Variants in PPFIA1 observed in about 807,000 individuals in gnomAD.
PPFIA1 encodes liprin-alpha-1.
Under a neutral mutation model 149.9 loss-of-function variants are expected in PPFIA1, and 25 were observed. The observed-to-expected ratio is 0.17, with a 90% CI of 0.12 to 0.23. PPFIA1 has a LOEUF of 0.23. PPFIA1 is among the 10% of genes least tolerant of loss of function. The pLI is 1.00. For synonymous variants in PPFIA1, 549 were observed against 552.8 expected (o/e 0.99, Z 0.10); for missense variants, 1,362 against 1,506.5 (o/e 0.90, Z 1.59).
intron 2 of PPFIA1, among the ~76,000 whole-genome samples, chr11:70,290,415 C>A (rs1240333018): frequency 1.3e-5 from 2 of 152,164 alleles, no homozygotes; most frequent in African/African-American, 4.8e-5. Context: ...TATCCTGGAG[C>A]AATTAGTGAC....
chr11:70,316,704 C>T (rs1419603482), intron 2 of PPFIA1, among the ~76,000 whole-genome samples: 1 of 152,170 alleles, frequency 6.6e-6, no homozygotes, highest in East Asian at 1.9e-4. Flanking sequence ...GACCATGAGG[C>T]TCTGCTGCCC....
In PPFIA1 at chr11:70,326,498, T is replaced by G. The variant is rs925191996; in HGVS notation, c.709-99T>G. 23 of 1,282,336 alleles carry G rather than the reference T, an allele frequency of 1.8e-5. 1 individual carries two copies. Among genetic ancestry groups the G allele is most frequent in the Non-Finnish European group, 2.3e-5 (21 of 905,140 alleles). 79.4% of individuals were successfully genotyped at this position (1,282,336 alleles called of 1,614,324 possible). A position where few individuals can be genotyped will look rare whatever the true frequency, so the allele number is the denominator to read the frequency against. On this transcript the variant is annotated intron_variant, in intron 6 of 27. Transcript: ENST00000253925. The stretch of plus-strand genomic sequence containing the variant: ...ATGAAAGTTGTGTAATCCAACAGAT[T>G]GCATAAGTCAGTTTTGATTTTAGCT...
At chr11:70,370,863 C>T (rs1337646537) in intron 21 of PPFIA1, among the ~76,000 whole-genome samples, 5 of 152,134 alleles carry the variant, frequency 3.3e-5, no homozygotes, top group African/African-American at 1.2e-4. Context: ...GCAGCAGTGG[C>T]TCACGCCTGT....
At chr11:70,304,793 C>A (rs1238658946) in intron 2 of PPFIA1, among the ~76,000 whole-genome samples, 1 of 152,114 alleles carries the variant, frequency 6.6e-6, no homozygotes, top group Non-Finnish European at 1.5e-5. Flanking sequence ...TGCTTTACAC[C>A]CCCGACATCT....
intron 13 of PPFIA1, 123 bp from the exon 14 acceptor site, chr11:70,339,048 C>A: frequency 1.7e-6 from 2 of 1,163,734 alleles, no homozygotes; most frequent in Non-Finnish European, 2.4e-6. Context: ...GAGAGCAGTG[C>A]CCTCCCTGGA....
chr11:70,334,750 A>T (rs975522359), intron 10 of PPFIA1: 2 of 152,254 alleles, frequency 1.3e-5, no homozygotes, highest in Non-Finnish European at 2.9e-5. Flanking sequence ...GCGCGGTCTC[A>T]TGGCTGTCTC....
At chr11:70,315,619 A>G (rs2053560914) in intron 2 of PPFIA1, among the ~76,000 whole-genome samples, 1 of 146,818 alleles carries the variant, frequency 6.8e-6, no homozygotes, top group Non-Finnish European at 1.5e-5. Context: ...TCCATTTATT[A>G]GACGTCTTTT....
intron 16 of PPFIA1, among the ~76,000 whole-genome samples, chr11:70,353,833 A>G (rs2056207508): frequency 6.6e-6 from 1 of 152,198 alleles, no homozygotes; most frequent in South Asian, 2.1e-4. Flanking sequence ...AATTTTGCCC[A>G]AGTGGTTTCT....
chr11:70,319,994 A>C (rs1039424881), intron 2 of PPFIA1: 1 of 152,184 alleles, frequency 6.6e-6, no homozygotes, highest in African/African-American at 2.4e-5. Flanking sequence ...CACCCAGAGC[A>C]CGTACTGCTC....
At chr11:70,354,273 CT>C (rs1432877947) in intron 16 of PPFIA1, 27 bp from the exon 17 acceptor site, 2 of 1,590,278 alleles carry the variant, frequency 1.3e-6, no homozygotes, top group African/African-American at 1.4e-5. Flanking sequence ...CTGCTGTTAA[CT>C]AACTTTGCAC....
intron 27 of PPFIA1, 48 bp from the exon 28 acceptor site, chr11:70,382,955 A>G (rs750115917): frequency 1.4e-5 from 5 of 366,022 alleles, no homozygotes; most frequent in Non-Finnish European, 2.0e-5. Context: ...GTTCGTCAGT[A>G]TGGCCCGGCC....
Position 70,383,218 on chromosome 11 carries a change from C to T in PPFIA1, c.*228C>T. 2 of 305,272 alleles carry T rather than the reference C, an allele frequency of 6.6e-6. No homozygotes were observed. Among genetic ancestry groups the T allele is most frequent in the South Asian group, 5.5e-5 (2 of 36,082 alleles). The allele number at this position is 305,272 out of a possible 1,614,324, so 18.9% of individuals were successfully genotyped here. On this transcript the variant is annotated 3_prime_UTR_variant, in exon 28 of 28. Transcript: ENST00000253925. ...CTTATATTTATGTAAACTTATGACT[C>T]TTCATTTATATAGTTACTTACTTTT...
intron 19 of PPFIA1, among the ~76,000 whole-genome samples, chr11:70,361,395 G>A (rs529707165): frequency 6.6e-6 from 1 of 152,132 alleles, no homozygotes; most frequent in Non-Finnish European, 1.5e-5. Context: ...CCAACGGAAT[G>A]TAAGTGCTAT....
intron 2 of PPFIA1, among the ~76,000 whole-genome samples, chr11:70,313,296 A>G (rs1447243444): frequency 6.6e-6 from 1 of 152,202 alleles, no homozygotes; most frequent in East Asian, 1.9e-4. Context: ...ATAATGCAAC[A>G]GAAGTGTGTG....
chr11:70,337,339 C>G (rs752491903), intron 11 of PPFIA1, 26 bp from the exon 12 acceptor site: 3 of 1,515,122 alleles, frequency 2.0e-6, no homozygotes, highest in Non-Finnish European at 2.7e-6. Flanking sequence ...TAAAGAAACA[C>G]TAAAGGACTA....
At chr11:70,295,787 C>G (rs1288821674) in intron 2 of PPFIA1, among the ~76,000 whole-genome samples, 3 of 151,990 alleles carry the variant, frequency 2.0e-5, no homozygotes, top group Admixed American at 2.0e-4. Flanking sequence ...GCGGGCTGAC[C>G]CCCACCTCCC....
At position 70,372,400 on chromosome 11, in the gene PPFIA1, T is replaced by C. The variant is rs1374150274; in HGVS notation, c.3041+10T>C. On this transcript the variant is annotated intron_variant, in intron 22 of 27. Transcript: ENST00000253925. ...TCGACAGTTTTCACAGGTAACTTAATGGAGATAGTTCTTAATAATTGGCTA... is the reference window on the plus strand; with the variant it reads ...TCGACAGTTTTCACAGGTAACTTAACGGAGATAGTTCTTAATAATTGGCTA... 2 of 1,614,056 alleles carry C rather than the reference T, an allele frequency of 1.2e-6. No homozygotes were observed. The highest frequency in any genetic ancestry group is 1.3e-5 in the African/African-American group (1 of 75,050).
intron 16 of PPFIA1, among the ~76,000 whole-genome samples, chr11:70,352,441 G>A (rs1368364139): frequency 1.3e-5 from 2 of 152,154 alleles, no homozygotes; most frequent in East Asian, 3.9e-4. Flanking sequence ...AGTGAAGGAA[G>A]TAGCATGTTG....
intron 21 of PPFIA1, chr11:70,371,768 C>G (rs2057279567): frequency 6.6e-6 from 1 of 152,472 alleles, no homozygotes; most frequent in African/African-American, 2.4e-5. Context: ...TATATTTTAA[C>G]TGACTTTTAC....
Sources: allele counts gnomAD v4.1 joint callset (sites outside exome capture counted in the v4.1 genomes callset), GRCh38; gene constraint gnomAD v4.1.1; transcripts MANE v1.5; gene names NCBI Gene and HGNC (gene_info 2026-07-23, HGNC 2026-07-21).